Variants in SLC2A13 observed in about 807,000 individuals in gnomAD.
The protein encoded by SLC2A13 is proton myo-inositol cotransporter.
In SLC2A13, 32 loss-of-function variants were observed where a neutral mutation model predicts 64.4. That is an observed-to-expected ratio of 0.50 (90% confidence interval 0.37 to 0.67). The LOEUF is 0.67. Ranked by LOEUF, SLC2A13 falls within the 30% of genes least tolerant of loss-of-function variation. The pLI, the probability that SLC2A13 is intolerant of heterozygous loss-of-function variation, is 0.00. For missense variants in SLC2A13, 743 were observed against 829.2 expected (o/e 0.90, Z 1.28); for synonymous variants, 338 against 327.1 (o/e 1.03, Z -0.36).
At chr12:39,787,566 T>C (rs1274056146) in intron 7 of SLC2A13, among the ~76,000 whole-genome samples, 2 of 152,198 alleles carry the variant, frequency 1.3e-5, no homozygotes, top group African/African-American at 4.8e-5. Context: ...CATTTTGATA[T>C]ACTTTTTTGG....
intron 4 of SLC2A13, among the ~76,000 whole-genome samples, chr12:39,881,317 G>T (rs146024651): frequency 6.6e-6 from 1 of 151,798 alleles, no homozygotes; most frequent in Admixed American, 6.6e-5. Context: ...CAATATGAGT[G>T]TGGTTTATGT....
In SLC2A13 at chr12:39,777,588, G is replaced by A. The variant is rs369211398; in HGVS notation, c.1446-12730C>T. ...TGTTGCACTTCCCAAGACCACCCTG[G>A]CCTGCCACGCCCCCATCCTGTGCCT... On this transcript the variant is annotated intron_variant, in intron 7 of 9. Coordinates refer to ENST00000280871, the MANE Select transcript of SLC2A13 (RefSeq NM_052885.4). 2.9e-4 allele frequency among the ~76,000 whole-genome samples: 44 copies of A among 152,242 alleles called. No individual in the cohort carries two copies. The Middle Eastern group carries it at 0.01, about 35-fold the overall frequency.
intron 3 of SLC2A13, among the ~76,000 whole-genome samples, chr12:39,956,137 C>T (rs1263433760): frequency 6.6e-6 from 1 of 152,116 alleles, no homozygotes. Flanking sequence ...ATGCAACAGA[C>T]AAATTCCCTA....
chr12:39,887,070 TG>T (rs1314775349), intron 4 of SLC2A13, among the ~76,000 whole-genome samples: 1 of 152,172 alleles, frequency 6.6e-6, no homozygotes, highest in African/African-American at 2.4e-5. Context: ...AAAAAGAGAC[TG>T]TTATGGAAAT....
At chr12:39,982,698 A>ACAT (rs1410698646) in intron 3 of SLC2A13, among the ~76,000 whole-genome samples, 2 of 148,776 alleles carry the variant, frequency 1.3e-5, no homozygotes, top group African/African-American at 4.9e-5. Flanking sequence ...AAATGGAAGA[A>ACAT]CATTCCATGC....
At chr12:39,945,653 C>A (rs1015369571) in intron 4 of SLC2A13, among the ~76,000 whole-genome samples, 6 of 152,046 alleles carry the variant, frequency 3.9e-5, no homozygotes, top group African/African-American at 1.4e-4. Context: ...TCTGACACTT[C>A]CCAGAGCATT....
chr12:39,783,642 T>C (rs1047630480), intron 7 of SLC2A13, among the ~76,000 whole-genome samples: 2 of 152,210 alleles, frequency 1.3e-5, no homozygotes, highest in African/African-American at 2.4e-5. Flanking sequence ...CATTTTTTCA[T>C]TGTCTGTTGG....
chr12:40,092,756 A>G (rs374101812), intron 1 of SLC2A13, among the ~76,000 whole-genome samples: 3 of 152,200 alleles, frequency 2.0e-5, no homozygotes, highest in Admixed American at 1.3e-4. Flanking sequence ...AAGACTCACT[A>G]AAGTTTGAAA....
chr12:39,759,849 TGGA>T lies in SLC2A13; in HGVS notation c.*174_*176del. On this transcript the variant is annotated 3_prime_UTR_variant, in exon 10 of 10. Coordinates refer to ENST00000280871, the MANE Select transcript of SLC2A13 (RefSeq NM_052885.4). ...ATATTTTTTAAAATATTGTTCCTTGTGGAAAAAAAAAGTCATCATGGTTGTATC... is the reference window on the plus strand; with the variant it reads ...ATATTTTTTAAAATATTGTTCCTTGTAAAAAAAAGTCATCATGGTTGTATC... 1.8e-6 allele frequency: 1 copy of T among 565,610 alleles called. No homozygotes were observed. Among genetic ancestry groups the T allele is most frequent in the East Asian group, 2.9e-5 (1 of 34,896 alleles). The allele number at this position is 565,610 out of a possible 1,614,324, so 35.0% of individuals were successfully genotyped here.
intron 1 of SLC2A13, among the ~76,000 whole-genome samples, chr12:40,076,863 T>A (rs925170342): frequency 3.3e-5 from 5 of 152,174 alleles, no homozygotes; most frequent in Non-Finnish European, 7.4e-5. Flanking sequence ...TTCTGACTGG[T>A]ATGAGATGCT....
In SLC2A13 at chr12:39,864,900, T is replaced by G. The variant is rs1279761396; in HGVS notation, c.1199-18A>C. On this transcript the variant is annotated intron_variant, in intron 5 of 9. Transcript: ENST00000280871. ...GGTGGTACCTTAAAAAAAAAAAGTT[T>G]TATATTAGAGAAGAGTTGACAATAT... The G allele has an allele frequency of 1.2e-6, 2 of 1,601,102 alleles. No homozygotes were observed. The highest frequency in any genetic ancestry group is 2.7e-5 in the African/African-American group (2 of 73,852).
At chr12:40,008,383 G>A (rs574089333) in intron 3 of SLC2A13, among the ~76,000 whole-genome samples, 4 of 152,158 alleles carry the variant, frequency 2.6e-5, no homozygotes, top group East Asian at 1.9e-4. Context: ...CAAGGCAGGC[G>A]GATCATGAAG....
chr12:39,896,360 GTATA>G (rs1221194073), intron 4 of SLC2A13, among the ~76,000 whole-genome samples: 1 of 138,062 alleles, frequency 7.2e-6, no homozygotes, highest in Non-Finnish European at 1.5e-5. Flanking sequence ...ATGTATATGT[GTATA>G]TATGTATACA....
intron 1 of SLC2A13, among the ~76,000 whole-genome samples, chr12:40,090,656 G>C (rs1938737560): frequency 6.6e-6 from 1 of 152,132 alleles, no homozygotes; most frequent in Non-Finnish European, 1.5e-5. Context: ...AGACTCTAAT[G>C]ATCTCTTGCA....
At chr12:39,830,318 C>T in intron 6 of SLC2A13, 90 bp from the exon 7 acceptor site, 1 of 1,522,646 alleles carries the variant, frequency 6.6e-7, no homozygotes, top group Non-Finnish European at 8.8e-7. Flanking sequence ...GCATTTTCCA[C>T]TCTCTTGTGC....
chr12:39,883,406 G>A (rs1429679861), intron 4 of SLC2A13, among the ~76,000 whole-genome samples: 1 of 152,136 alleles, frequency 6.6e-6, no homozygotes, highest in Non-Finnish European at 1.5e-5. Flanking sequence ...TATGACTTGG[G>A]AGCTTTTGAT....
intron 6 of SLC2A13, among the ~76,000 whole-genome samples, chr12:39,862,271 A>G (rs1025732896): frequency 6.6e-6 from 1 of 152,220 alleles, no homozygotes; most frequent in Middle Eastern, 3.2e-3. Context: ...CTAACCTACA[A>G]TATTTTTGGC....
At chr12:39,856,104 A>T (rs1943600255) in intron 6 of SLC2A13, among the ~76,000 whole-genome samples, 1 of 152,230 alleles carries the variant, frequency 6.6e-6, no homozygotes, top group Non-Finnish European at 1.5e-5. Context: ...CAACTCTTGG[A>T]TAGCAACAAG....
chr12:39,978,159 CA>C (rs1946799292), intron 3 of SLC2A13, among the ~76,000 whole-genome samples: 1 of 152,144 alleles, frequency 6.6e-6, no homozygotes, highest in African/African-American at 2.4e-5. Flanking sequence ...AATTGGCTCT[CA>C]AGGCAATTCT....
Sources: gnomAD v4.1 joint callset for allele counts (sites outside exome capture counted in the v4.1 genomes callset) on GRCh38, gnomAD v4.1.1 for gene constraint, MANE v1.5 for transcripts, NCBI Gene and HGNC (gene_info 2026-07-23, HGNC 2026-07-21) for gene names.